Variants in TAFA2 observed in about 807,000 individuals in gnomAD.
TAFA2 encodes chemokine-like protein TAFA-2.
TAFA2 carries 7 observed loss-of-function variants against 18.8 expected under a neutral mutation model. The ratio of observed to expected loss-of-function variants is 0.37; its 90% confidence interval spans 0.21 to 0.70. The LOEUF is 0.70. TAFA2 is among the 30% of genes least tolerant of loss of function. TAFA2 has a pLI of 0.53. For missense variants in TAFA2, 122 were observed against 158.1 expected, an observed-to-expected ratio of 0.77 and a Z score of 1.23; for synonymous variants, 60 against 54.2, an observed-to-expected ratio of 1.11 and a Z score of -0.47.
At chr12:61,957,826 G>T (rs1322706333) in intron 1 of TAFA2, among the ~76,000 whole-genome samples, 1 of 152,006 alleles carries the variant, frequency 6.6e-6, no homozygotes, top group Non-Finnish European at 1.5e-5. Flanking sequence ...TCTGATGCAG[G>T]CCTGCCTCTT....
chr12:61,903,879 T>C (rs906275655), intron 1 of TAFA2, among the ~76,000 whole-genome samples: 13 of 152,174 alleles, frequency 8.5e-5, no homozygotes, highest in Non-Finnish European at 1.9e-4. Flanking sequence ...AAGTCAATTG[T>C]AATTTACACC....
intron 2 of TAFA2, among the ~76,000 whole-genome samples, chr12:61,771,862 G>GA (rs1165945949): frequency 1.4e-4 from 16 of 112,552 alleles, no homozygotes; most frequent in East Asian, 5.1e-4. Context: ...CCCAACAGAA[G>GA]AAAAAAAAAA....
intron 2 of TAFA2, among the ~76,000 whole-genome samples, chr12:61,861,777 A>G (rs954245875): frequency 3.9e-5 from 6 of 152,242 alleles, no homozygotes; most frequent in Non-Finnish European, 7.3e-5. Flanking sequence ...ACATAATGAA[A>G]CATCACACTG....
At chr12:61,768,423 C>A (rs1370050922) in intron 2 of TAFA2, among the ~76,000 whole-genome samples, 2 of 152,064 alleles carry the variant, frequency 1.3e-5, no homozygotes, top group Non-Finnish European at 2.9e-5. Context: ...AGGGACATAC[C>A]AGGAAAGCTG....
At chr12:62,046,647 T>C (rs990294575) in intron 1 of TAFA2, among the ~76,000 whole-genome samples, 4 of 152,128 alleles carry the variant, frequency 2.6e-5, no homozygotes, top group African/African-American at 9.6e-5. Flanking sequence ...TCAGTAAATA[T>C]TGTTGCTATA....
At chr12:61,940,684 G>A (rs150028118) in intron 1 of TAFA2, among the ~76,000 whole-genome samples, 31 of 152,248 alleles carry the variant, frequency 2.0e-4, no homozygotes, top group African/African-American at 6.3e-4. Flanking sequence ...TCTCATCTAC[G>A]CAGAGGTGCA....
At chr12:62,037,816 C>T (rs545093390) in intron 1 of TAFA2, among the ~76,000 whole-genome samples, 29 of 152,174 alleles carry the variant, frequency 1.9e-4, no homozygotes, top group South Asian at 4.2e-4. Flanking sequence ...ATTATTTTAC[C>T]GCCTGACAGA....
At chr12:62,131,898 A>ATTC (rs1198940111) in intron 1 of TAFA2, among the ~76,000 whole-genome samples, 1 of 151,896 alleles carries the variant, frequency 6.6e-6, no homozygotes, top group Non-Finnish European at 1.5e-5. Flanking sequence ...TGACTGTTTC[A>ATTC]CTAGAAATTT....
intron 2 of TAFA2, among the ~76,000 whole-genome samples, chr12:61,760,140 A>G (rs1869469243): frequency 6.7e-6 from 1 of 149,630 alleles, no homozygotes; most frequent in South Asian, 2.1e-4. Context: ...TCCTGGTGAG[A>G]AATGAACTTT....
intron 1 of TAFA2, among the ~76,000 whole-genome samples, chr12:62,065,937 A>G (rs577797806): frequency 1.3e-5 from 2 of 152,096 alleles, no homozygotes; most frequent in East Asian, 3.9e-4. Flanking sequence ...ATTAATATCA[A>G]TGTAATCTTG....
chr12:62,012,573 T>C (rs34004360), intron 1 of TAFA2, among the ~76,000 whole-genome samples: 12,828 of 152,174 alleles, frequency 0.084, 578 homozygotes, highest in Middle Eastern at 0.14. Context: ...AGCACAATAG[T>C]AAAAAAGTCT....
chr12:61,784,712 AAG>A (rs1555165199), intron 2 of TAFA2, among the ~76,000 whole-genome samples: 2 of 150,928 alleles, frequency 1.3e-5, no homozygotes, highest in South Asian at 2.1e-4. Context: ...CAAAAAAAAA[AAG>A]TTTATTTCAA....
At chr12:62,187,837 C>T (rs2062596423) in intron 1 of TAFA2, among the ~76,000 whole-genome samples, 1 of 152,138 alleles carries the variant, frequency 6.6e-6, no homozygotes, top group Non-Finnish European at 1.5e-5. Flanking sequence ...TAAAGTAAAA[C>T]TGTTTTCTAA....
rs1024966112 is a variant in TAFA2, at chr12:61,834,748, T to C, written c.106+32572A>G. Among the ~76,000 whole-genome samples, 6 of 152,214 alleles carry C rather than the reference T, an allele frequency of 3.9e-5. No homozygotes were observed. The South Asian group carries it at 6.2e-4, about 16-fold the overall frequency. On this transcript the variant is annotated intron_variant, in intron 2 of 4. Coordinates refer to ENST00000416284, the MANE Select transcript of TAFA2 (RefSeq NM_178539.5). ...TGTAAGACATATCTAGCTAGAATCC[T>C]ATCAACAGTTGATTTTATTATTGGA...
chr12:61,809,097 T>C (rs1453644888), intron 2 of TAFA2, among the ~76,000 whole-genome samples: 3 of 151,380 alleles, frequency 2.0e-5, no homozygotes, highest in Non-Finnish European at 4.4e-5. Flanking sequence ...AGCTTGAAAG[T>C]GTGTGTGCGT....
intron 1 of TAFA2, among the ~76,000 whole-genome samples, chr12:62,048,160 C>T (rs1449054445): frequency 2.6e-5 from 4 of 152,132 alleles, no homozygotes; most frequent in African/African-American, 4.8e-5. Context: ...TAAAGAACTG[C>T]CCGAGACTGA....
intron 4 of TAFA2, among the ~76,000 whole-genome samples, chr12:61,741,127 A>G (rs1868423368): frequency 1.3e-5 from 2 of 152,138 alleles, no homozygotes; most frequent in Non-Finnish European, 2.9e-5. Flanking sequence ...CATTAAAAAT[A>G]TGTGCAATGG....
intron 1 of TAFA2, among the ~76,000 whole-genome samples, chr12:62,029,570 T>C (rs1881396577): frequency 6.6e-6 from 1 of 152,148 alleles, no homozygotes; most frequent in African/African-American, 2.4e-5. Flanking sequence ...TCAGAAAATA[T>C]GGCAGAACAT....
intron 1 of TAFA2, among the ~76,000 whole-genome samples, chr12:62,055,428 G>A (rs770773467): frequency 7.2e-5 from 11 of 152,026 alleles, no homozygotes; most frequent in Non-Finnish European, 1.6e-4. Context: ...ACAATGATAA[G>A]TATAAATATT....
Sources: gnomAD v4.1 joint callset for allele counts (sites outside exome capture counted in the v4.1 genomes callset) on GRCh38, gnomAD v4.1.1 for gene constraint, MANE v1.5 for transcripts, NCBI Gene and HGNC (gene_info 2026-07-23, HGNC 2026-07-21) for gene names.